The following SUSD3 variants were observed in gnomAD, a reference collection of about 807,000 sequenced individuals.
The protein encoded by SUSD3 is sushi domain containing 3.
Under a neutral mutation model 20.6 loss-of-function variants are expected in SUSD3, and 18 were observed. The ratio of observed to expected loss-of-function variants is 0.87; its 90% CI spans 0.60 to 1.30. The LOEUF (loss-of-function observed/expected upper bound fraction) is 1.30, where lower values mean the gene tolerates loss of function less well. Among genes scored for constraint, SUSD3 ranks in the 50% most tolerant of loss-of-function variants. The pLI is 0.00. For synonymous variants in SUSD3, 137 were observed against 141.5 expected (o/e 0.97, Z 0.23); for missense variants, 306 against 346.9 (o/e 0.88, Z 0.94).
At chr9:93,079,687 G>A (rs1826330148) in intron 4 of SUSD3, 85 bp downstream of exon 4, 9 of 1,439,444 alleles carry the variant, frequency 6.3e-6, no homozygotes, top group African/African-American at 1.4e-5. Flanking sequence ...GCTCCCACAC[G>A]CTGAGAGCCT....
intron 1 of SUSD3, among the ~76,000 whole-genome samples, chr9:93,060,875 G>A (rs1181879750): frequency 1.3e-5 from 2 of 152,142 alleles, no homozygotes; most frequent in Admixed American, 1.3e-4. Context: ...ACGGGGATGT[G>A]TGTTTTTCCC....
Position 93,079,437 on chromosome 9 carries a change from T to C in SUSD3, c.426-34T>C, listed in dbSNP as rs560447827. 21 of 1,610,642 alleles carry C rather than the reference T, an allele frequency of 1.3e-5. No individual in the cohort carries two copies. The South Asian group carries it at 2.0e-4, about 15-fold the overall frequency. On this transcript the variant is annotated intron_variant, in intron 3 of 4. Transcript: ENST00000375472. ...CACCACCGTCAGGGATACACCTGCA[T>C]GCTCAGAGTCCTTCCTCCCAAACTC...
chr9:93,077,987 C>T lies in SUSD3; in HGVS notation c.419C>T (p.Ser140Phe). ...GTGAAGAAGAGCAAGCGGCGGCGCT[C>T]CAACAGGTACGGTGGCCTCATGATC... The part of the protein sequence containing the change: ...KCVKKSKRRR[S>F]NRSAQLWSQL... Residue 140 changes from serine (S) to phenylalanine (F), a missense_variant, in exon 3 of 5, where the codon TCC becomes TTC. By Grantham distance (155) the Ser-to-Phe change is radical. Coordinates refer to ENST00000375472, the MANE Select transcript of SUSD3 (RefSeq NM_145006.4). The T allele has an allele frequency of 6.2e-7, 1 of 1,614,196 alleles. No homozygotes were observed. The highest frequency in any genetic ancestry group is 8.5e-7 in the Non-Finnish European group (1 of 1,180,036).
Position 93,076,313 on chromosome 9 carries a change from A to G in SUSD3, c.277+341A>G, listed in dbSNP as rs200837840. ...GTTAAGCAGGAAACTATGTTTGTTC[A>G]TTCATTCATTCATTCATTCATTCAT... On this transcript the variant is annotated intron_variant, in intron 2 of 4. Transcript: ENST00000375472. Among the ~76,000 whole-genome samples, 17 of 77,644 alleles carry G rather than the reference A, an allele frequency of 2.2e-4. No homozygotes were observed. The African/African-American group carries it at 2.3e-3, about 10-fold the overall frequency. The allele number at this position is 77,644 out of a possible 152,430, so 50.9% of individuals were successfully genotyped here. A position where few individuals can be genotyped will look rare whatever the true frequency, so the allele number is the denominator to read the frequency against.
intron 1 of SUSD3, 140 bp downstream of exon 1, chr9:93,058,970 C>T (rs1020862111): frequency 2.1e-6 from 1 of 473,444 alleles, no homozygotes; most frequent in East Asian, 3.6e-5. Flanking sequence ...CGAACCTCCT[C>T]GACCCTCCGC....
At chr9:93,067,667 G>A (rs111505336) in intron 1 of SUSD3, among the ~76,000 whole-genome samples, 2,378 of 150,976 alleles carry the variant, frequency 0.016, 61 homozygotes, top group African/African-American at 0.054. Flanking sequence ...GCCTGATCTC[G>A]GCTGACTGCA....
intron 1 of SUSD3, among the ~76,000 whole-genome samples, chr9:93,066,198 C>T (rs1046764100): frequency 1.7e-4 from 26 of 152,312 alleles, no homozygotes; most frequent in African/African-American, 5.1e-4. Flanking sequence ...TCTTTTTAAC[C>T]CTGACAGAGA....
intron 1 of SUSD3, among the ~76,000 whole-genome samples, chr9:93,065,095 C>T (rs946652757): frequency 1.3e-5 from 2 of 152,134 alleles, no homozygotes; most frequent in African/African-American, 4.8e-5. Flanking sequence ...TTCCCTGGGA[C>T]CCTGGTGGGT....
intron 1 of SUSD3, among the ~76,000 whole-genome samples, chr9:93,069,361 A>G (rs1825829689): frequency 6.6e-6 from 1 of 152,186 alleles, no homozygotes; most frequent in African/African-American, 2.4e-5. Context: ...TTGTGGAACC[A>G]CCGGTAACTG....
chr9:93,062,918 G>C (rs11790662), intron 1 of SUSD3, among the ~76,000 whole-genome samples: 18,117 of 152,116 alleles, frequency 0.12, 1,200 homozygotes, highest in South Asian at 0.18. Flanking sequence ...CTGTGAGTTC[G>C]CTGTGAATCC....
chr9:93,074,941 T>C (rs1826067229), intron 1 of SUSD3, among the ~76,000 whole-genome samples: 1 of 152,114 alleles, frequency 6.6e-6, no homozygotes. Flanking sequence ...TGGCTAAAGG[T>C]TCATATGCAA....
At chr9:93,084,261 C>T (rs1229313010) in intron 4 of SUSD3, among the ~76,000 whole-genome samples, 1 of 152,052 alleles carries the variant, frequency 6.6e-6, no homozygotes, top group African/African-American at 2.4e-5. Context: ...AAGTCCCTTC[C>T]CACACCTTAG....
chr9:93,073,202 C>A (rs568091352), intron 1 of SUSD3, among the ~76,000 whole-genome samples: 6 of 151,826 alleles, frequency 4.0e-5, no homozygotes, highest in African/African-American at 1.5e-4. Flanking sequence ...CAGTCTCTGC[C>A]TCTGCACACA....
intron 4 of SUSD3, among the ~76,000 whole-genome samples, chr9:93,082,599 G>A (rs1826464813): frequency 1.3e-5 from 2 of 152,188 alleles, no homozygotes; most frequent in African/African-American, 4.8e-5. Context: ...TTACAGGCGT[G>A]AGCCACCGTG....
intron 1 of SUSD3, among the ~76,000 whole-genome samples, chr9:93,063,228 T>A (rs766852382): frequency 6.6e-6 from 1 of 152,170 alleles, no homozygotes; most frequent in Non-Finnish European, 1.5e-5. Flanking sequence ...CTGTGTTCCA[T>A]GGACCTTGGG....
At chr9:93,067,653 G>A (rs139856833) in intron 1 of SUSD3, among the ~76,000 whole-genome samples, 2,281 of 151,002 alleles carry the variant, frequency 0.015, 59 homozygotes, top group African/African-American at 0.05. Flanking sequence ...GCTGGAGTGC[G>A]GTAGCCTGAT....
At chr9:93,066,867 C>T (rs1007430759) in intron 1 of SUSD3, among the ~76,000 whole-genome samples, 4 of 152,102 alleles carry the variant, frequency 2.6e-5, no homozygotes, top group African/African-American at 9.7e-5. Context: ...ACCACCACAC[C>T]CAGCTAATTT....
chr9:93,079,634 G>C, intron 4 of SUSD3, 32 bp downstream of exon 4: 1 of 1,609,834 alleles, frequency 6.2e-7, no homozygotes, highest in Non-Finnish European at 8.5e-7. Context: ...GGACATGCTG[G>C]GGGACAAGGG....
chr9:93,083,800 T>C (rs1826523652), intron 4 of SUSD3, among the ~76,000 whole-genome samples: 2 of 152,174 alleles, frequency 1.3e-5, no homozygotes, highest in Admixed American at 1.3e-4. Context: ...GAATTAGTTG[T>C]GGGTGGGAGC....
Sources: allele counts gnomAD v4.1 joint callset (sites outside exome capture counted in the v4.1 genomes callset), GRCh38; gene constraint gnomAD v4.1.1; transcripts MANE v1.5; gene names NCBI Gene and HGNC (gene_info 2026-07-23, HGNC 2026-07-21).